Variants in GPR158 observed in about 807,000 individuals in gnomAD.
GPR158 encodes metabotropic glycine receptor.
Under a neutral mutation model 78.2 loss-of-function variants are expected in GPR158, and 30 were observed. That is an observed-to-expected ratio of 0.38 (90% CI 0.29 to 0.52). GPR158 has a LOEUF of 0.52. Among genes scored for constraint, GPR158 ranks in the 20% least tolerant of loss-of-function variants. The pLI is 0.83. For missense variants in GPR158, 1,463 were observed against 1,523.5 expected (o/e 0.96, Z 0.66); for synonymous variants, 581 against 591.1 (o/e 0.98, Z 0.25).
chr10:25,385,431 G>A (rs1284698382), intron 2 of GPR158, among the ~76,000 whole-genome samples: 1 of 152,094 alleles, frequency 6.6e-6, no homozygotes, highest in African/African-American at 2.4e-5. Flanking sequence ...ATGAATATGG[G>A]TATGCAAATA....
intron 2 of GPR158, among the ~76,000 whole-genome samples, chr10:25,238,761 G>A (rs1468782657): frequency 2.6e-5 from 4 of 152,260 alleles, no homozygotes; most frequent in Non-Finnish European, 5.9e-5. Flanking sequence ...CCAATCCAGC[G>A]GATCTTCCAT....
intron 2 of GPR158, among the ~76,000 whole-genome samples, chr10:25,342,353 C>T (rs1236697911): frequency 6.6e-6 from 1 of 151,872 alleles, no homozygotes; most frequent in Non-Finnish European, 1.5e-5. Context: ...CTTGTTTCTG[C>T]AGCTCTGGAG....
At chr10:25,498,382 T>C (rs866187207) in intron 5 of GPR158, among the ~76,000 whole-genome samples, 4 of 152,210 alleles carry the variant, frequency 2.6e-5, no homozygotes, top group Admixed American at 6.5e-5. Context: ...CTCTTTGTAA[T>C]GTAGTGGTTC....
intron 2 of GPR158, among the ~76,000 whole-genome samples, chr10:25,278,287 AT>A (rs1233002633): frequency 1.3e-5 from 2 of 152,174 alleles, no homozygotes; most frequent in Non-Finnish European, 2.9e-5. Flanking sequence ...TAAAAATAAA[AT>A]TGATAAAATT....
intron 5 of GPR158, among the ~76,000 whole-genome samples, chr10:25,504,184 C>A (rs567320068): frequency 2.0e-4 from 30 of 152,318 alleles, no homozygotes; most frequent in African/African-American, 7.2e-4. Context: ...AGCCACCACA[C>A]CTGGCCCTAT....
At chr10:25,485,119 G>GA (rs59516587) in intron 5 of GPR158, among the ~76,000 whole-genome samples, 4,615 of 150,876 alleles carry the variant, frequency 0.031, 133 homozygotes, top group African/African-American at 0.072. Context: ...GCTATAGACA[G>GA]AAAAAAAATA....
Position 25,263,188 on chromosome 10 carries a change from T to C in GPR158, c.1008+42031T>C, listed in dbSNP as rs145742428. ...ATTTGTTTTACATTGAGATCTCTGA[T>C]CCACTTTCAGTTAATTTTTATGAAA... On this transcript the variant is annotated intron_variant, in intron 2 of 10. Coordinates refer to ENST00000376351, the MANE Select transcript of GPR158 (RefSeq NM_020752.3). Among the ~76,000 whole-genome samples the C allele has an allele frequency of 2.9e-3, 447 of 152,362 alleles. 1 individual carries two copies. The highest frequency in any genetic ancestry group is 0.01 in the African/African-American group (427 of 41,592).
rs550147187 is a variant in GPR158, at chr10:25,510,067, A to G, written c.1405-40909A>G. On this transcript the variant is annotated intron_variant, in intron 5 of 10. Transcript: ENST00000376351. ...AAGTCCCAATAACATCACTTCCAGTATACTCTACTGGACGAGGCAGTTACA... is the reference window on the plus strand; with the variant it reads ...AAGTCCCAATAACATCACTTCCAGTGTACTCTACTGGACGAGGCAGTTACA... Among the ~76,000 whole-genome samples the G allele has an allele frequency of 1.6e-3, 242 of 152,310 alleles. 5 individuals are homozygous for G. In the South Asian group the frequency reaches 0.024, roughly 15 times the overall value.
At chr10:25,539,804 ATTAGGTACT>A in intron 5 of GPR158, among the ~76,000 whole-genome samples, 1 of 152,302 alleles carries the variant, frequency 6.6e-6, no homozygotes, top group South Asian at 2.1e-4. Flanking sequence ...GTAAAGCTGC[ATTAGGTACT>A]TTTGTTATTT....
intron 4 of GPR158, among the ~76,000 whole-genome samples, chr10:25,422,507 C>T (rs547349078): frequency 1.2e-4 from 18 of 152,178 alleles, no homozygotes; most frequent in African/African-American, 3.6e-4. Flanking sequence ...TTATCTTCCA[C>T]GAACCCAGTT....
chr10:25,374,041 G>A (rs1834041521), intron 2 of GPR158, among the ~76,000 whole-genome samples: 1 of 151,472 alleles, frequency 6.6e-6, no homozygotes, highest in African/African-American at 2.4e-5. Flanking sequence ...TACTATAATT[G>A]TGGATTGGTT....
intron 2 of GPR158, among the ~76,000 whole-genome samples, chr10:25,337,892 C>G (rs555977810): frequency 6.6e-6 from 1 of 152,034 alleles, no homozygotes; most frequent in East Asian, 1.9e-4. Flanking sequence ...TGAGGGTGAA[C>G]ACCATTTTAT....
At chr10:25,207,337 CT>C (rs745580274) in intron 1 of GPR158, among the ~76,000 whole-genome samples, 2 of 152,082 alleles carry the variant, frequency 1.3e-5, no homozygotes, top group Non-Finnish European at 2.9e-5. Flanking sequence ...TGCTGTGACT[CT>C]ATTAATCTGT....
In GPR158 at chr10:25,598,215, A is replaced by C. The variant is rs1025421453; in HGVS notation, c.2589A>C (p.Glu863Asp). The C allele has an allele frequency of 6.2e-6, 10 of 1,614,028 alleles. No homozygotes were observed. In the African/African-American group the frequency reaches 1.1e-4, roughly 17 times the overall value. ...SGKKLTQKLK[E>D]DSEAESTESV... ...AAAAACTAACACAAAAACTAAAAGA[A>C]GACAGCGAGGCTGAGTCCACGGAGT... The change falls in exon 11 of 11, where the codon GAA (glutamate) becomes GAC (aspartate). Residue 863 changes from glutamate to aspartate, a missense_variant. Coordinates refer to ENST00000376351, the MANE Select transcript of GPR158 (RefSeq NM_020752.3).
At chr10:25,553,485 G>T (rs1432875380) in intron 6 of GPR158, among the ~76,000 whole-genome samples, 2 of 151,794 alleles carry the variant, frequency 1.3e-5, no homozygotes, top group Non-Finnish European at 2.9e-5. Flanking sequence ...TCTCTATATT[G>T]CTTAAATTTA....
At chr10:25,514,866 T>A (rs1836139547) in intron 5 of GPR158, among the ~76,000 whole-genome samples, 1 of 152,144 alleles carries the variant, frequency 6.6e-6, no homozygotes, top group African/African-American at 2.4e-5. Context: ...GCTTGTAGGG[T>A]TTCTGCTGAT....
At chr10:25,218,321 C>T (rs755513235) in intron 1 of GPR158, among the ~76,000 whole-genome samples, 10 of 152,118 alleles carry the variant, frequency 6.6e-5, no homozygotes, top group Admixed American at 4.6e-4. Flanking sequence ...TTGAGGTCTG[C>T]GGTGACTTTT....
At chr10:25,387,803 C>A (rs189398590) in intron 2 of GPR158, among the ~76,000 whole-genome samples, 8 of 152,184 alleles carry the variant, frequency 5.3e-5, no homozygotes, top group African/African-American at 7.2e-5. Flanking sequence ...TGTGAGCCAC[C>A]GTGCCTGGGC....
At chr10:25,420,186 G>A (rs1615861) in intron 4 of GPR158, among the ~76,000 whole-genome samples, 67,650 of 151,570 alleles carry the variant, frequency 0.45, 16,941 homozygotes, top group Non-Finnish European at 0.59. Flanking sequence ...GTTTTGCTCA[G>A]TTACTCAGGC....
Sources: allele counts gnomAD v4.1 joint callset (sites outside exome capture counted in the v4.1 genomes callset), GRCh38; gene constraint gnomAD v4.1.1; transcripts MANE v1.5; gene names NCBI Gene and HGNC (gene_info 2026-07-23, HGNC 2026-07-21).